The following COTL1 variants were observed in gnomAD, a reference collection of about 807,000 sequenced individuals.
COTL1 encodes coactosin like F-actin binding protein 1, also known as coactosin-like protein.
In COTL1, 15 loss-of-function variants were observed where a neutral mutation model predicts 16.5. That is an observed-to-expected ratio of 0.91 (90% CI 0.61 to 1.40). The LOEUF is 1.40. Among genes scored for constraint, COTL1 ranks in the 40% most tolerant of loss-of-function variants. COTL1 has a pLI of 0.00. For missense variants in COTL1, 220 were observed against 201.5 expected (o/e 1.09, Z -0.56); for synonymous variants, 112 against 85.3 (o/e 1.31, Z -1.73).
At chr16:84,581,618 C>T (rs1011606249) in intron 3 of COTL1, among the ~76,000 whole-genome samples, 9 of 152,144 alleles carry the variant, frequency 5.9e-5, no homozygotes, top group Admixed American at 3.9e-4. Context: ...ATTCTCCTGC[C>T]GCAGCCTCCG....
At chr16:84,600,740 C>T (rs758419066) in intron 2 of COTL1, among the ~76,000 whole-genome samples, 1 of 152,132 alleles carries the variant, frequency 6.6e-6, no homozygotes, top group Non-Finnish European at 1.5e-5. Context: ...AAATGATCCC[C>T]GATTCATTGC....
At chr16:84,606,485 G>T (rs1344055785) in intron 2 of COTL1, among the ~76,000 whole-genome samples, 2 of 152,254 alleles carry the variant, frequency 1.3e-5, no homozygotes, top group African/African-American at 4.8e-5. Context: ...ACGGGGCTTG[G>T]ATGCTCCCAG....
intron 2 of COTL1, among the ~76,000 whole-genome samples, chr16:84,613,144 C>T (rs919582339): frequency 2.0e-5 from 3 of 151,806 alleles, no homozygotes; most frequent in Non-Finnish European, 4.4e-5. Flanking sequence ...GGATTATAGG[C>T]GCCGGCCACC....
intron 2 of COTL1, chr16:84,616,137 C>G (rs559506022): frequency 6.6e-6 from 1 of 152,266 alleles, no homozygotes; most frequent in South Asian, 2.1e-4. Flanking sequence ...GGTGAGGAAA[C>G]CAAGACCCCC....
At chr16:84,610,440 A>G (rs1905297296) in intron 2 of COTL1, among the ~76,000 whole-genome samples, 1 of 152,138 alleles carries the variant, frequency 6.6e-6, no homozygotes, top group South Asian at 2.1e-4. Context: ...CTCTCTATAA[A>G]TGGTAGACAT....
chr16:84,595,379 G>A (rs1904976653), intron 2 of COTL1: 1 of 152,232 alleles, frequency 6.6e-6, no homozygotes, highest in African/African-American at 2.4e-5. Flanking sequence ...AGCTGAGTCG[G>A]AGACGGAAAA....
intron 3 of COTL1, chr16:84,568,588 A>G (rs546164632): frequency 7.9e-5 from 12 of 152,236 alleles, no homozygotes; most frequent in Non-Finnish European, 1.3e-4. Context: ...ATAAATGTCT[A>G]AAAAAGGCAA....
At chr16:84,573,138 C>A (rs1005660510) in intron 3 of COTL1, among the ~76,000 whole-genome samples, 3 of 152,228 alleles carry the variant, frequency 2.0e-5, no homozygotes, top group Admixed American at 6.5e-5. Flanking sequence ...TTTATCTAAT[C>A]CAATATATGC....
chr16:84,576,183 G>C (rs894799784), intron 3 of COTL1: 1 of 152,256 alleles, frequency 6.6e-6, no homozygotes, highest in African/African-American at 2.4e-5. Flanking sequence ...CCAGGCCCAG[G>C]GTTAGCTTCA....
At chr16:84,613,633 TAGAA>T (rs1905391404) in intron 2 of COTL1, among the ~76,000 whole-genome samples, 2 of 151,984 alleles carry the variant, frequency 1.3e-5, no homozygotes, top group Admixed American at 1.3e-4. Context: ...AAATGTACTG[TAGAA>T]AGAATTACCC....
chr16:84,604,571 G>T (rs200344110), intron 2 of COTL1, among the ~76,000 whole-genome samples: 3 of 152,058 alleles, frequency 2.0e-5, no homozygotes, highest in African/African-American at 7.2e-5. Flanking sequence ...ATATGTGTTG[G>T]GGGGATGAGT....
chr16:84,571,547 G>A (rs1904337055), intron 3 of COTL1, among the ~76,000 whole-genome samples: 1 of 152,116 alleles, frequency 6.6e-6, no homozygotes, highest in African/African-American at 2.4e-5. Flanking sequence ...CCCTCTTTGT[G>A]TCTCCTCCTC....
At chr16:84,569,673 T>C (rs1179593053) in intron 3 of COTL1, among the ~76,000 whole-genome samples, 3 of 152,184 alleles carry the variant, frequency 2.0e-5, no homozygotes, top group African/African-American at 4.8e-5. Context: ...CAGAACACCC[T>C]TGAGATCCTT....
At chr16:84,567,262 C>A (rs572888561) in intron 3 of COTL1, 52 of 282,692 alleles carry the variant, frequency 1.8e-4, no homozygotes, top group African/African-American at 1.1e-3. Context: ...GTTACCTTGG[C>A]CAAGTCCCTT....
At chr16:84,584,231 G>A (rs565617556) in intron 3 of COTL1, among the ~76,000 whole-genome samples, 5 of 152,260 alleles carry the variant, frequency 3.3e-5, no homozygotes, top group African/African-American at 9.6e-5. Context: ...TCTGGGCATC[G>A]CAATCGCCCT....
intron 3 of COTL1, among the ~76,000 whole-genome samples, chr16:84,584,934 G>A (rs1474336163): frequency 1.1e-4 from 17 of 151,886 alleles, no homozygotes; most frequent in Non-Finnish European, 4.4e-5. Context: ...TTGAACCCAC[G>A]CCATCTGGCT....
At position 84,573,239 on chromosome 16, in the gene COTL1, G is replaced by A. The variant is rs888813347; in HGVS notation, c.319-6284C>T. On this transcript the variant is annotated intron_variant, in intron 3 of 3. Transcript: ENST00000262428. The stretch of plus-strand genomic sequence containing the variant: ...TTCTTTTGAACCCAGCCTTAGAAAC[G>A]CTGTGTGCCCTCCGGGTATACGGCA... 5.9e-5 allele frequency among the ~76,000 whole-genome samples: 9 copies of A among 152,334 alleles called. No homozygotes were observed. The South Asian group carries it at 1.2e-3, about 21-fold the overall frequency.
chr16:84,612,553 C>A (rs949836184), intron 2 of COTL1, among the ~76,000 whole-genome samples: 1 of 152,144 alleles, frequency 6.6e-6, no homozygotes, highest in African/African-American at 2.4e-5. Context: ...GAGGCTGAGG[C>A]AGGTGGATCA....
At chr16:84,571,987 G>A (rs1034891262) in intron 3 of COTL1, among the ~76,000 whole-genome samples, 1 of 152,214 alleles carries the variant, frequency 6.6e-6, no homozygotes, top group Non-Finnish European at 1.5e-5. Flanking sequence ...CATTCAGGGC[G>A]TGGACTCCAC....
Sources: gnomAD v4.1 joint callset for allele counts (sites outside exome capture counted in the v4.1 genomes callset) on GRCh38, gnomAD v4.1.1 for gene constraint, MANE v1.5 for transcripts, NCBI Gene and HGNC (gene_info 2026-07-23, HGNC 2026-07-21) for gene names.